The following NOL4 variants were observed in gnomAD, a reference collection of about 807,000 sequenced individuals.
NOL4 encodes the protein cancer/testis antigen 125.
NOL4 carries 17 observed loss-of-function variants against 75.9 expected under a neutral mutation model. That is an observed-to-expected ratio of 0.22 (90% CI 0.15 to 0.34). The LOEUF (loss-of-function observed/expected upper bound fraction) is 0.34. Among genes scored for constraint, NOL4 ranks in the 10% least tolerant of loss-of-function variants. The pLI is 1.00. For missense variants in NOL4, 614 were observed against 793.5 expected, an observed-to-expected ratio of 0.77 and a Z score of 2.72; for synonymous variants, 292 against 289.9, an observed-to-expected ratio of 1.01 and a Z score of -0.07.
chr18:34,117,819 C>T (rs936423425), intron 2 of NOL4, among the ~76,000 whole-genome samples: 3 of 152,188 alleles, frequency 2.0e-5, no homozygotes, highest in Non-Finnish European at 4.4e-5. Flanking sequence ...AGCAGAGAAG[C>T]CATTCTTGGT....
At chr18:33,938,468 G>T (rs566141588) in intron 9 of NOL4, among the ~76,000 whole-genome samples, 2 of 151,860 alleles carry the variant, frequency 1.3e-5, no homozygotes, top group Admixed American at 6.6e-5. Context: ...TTTAATGATC[G>T]CCATTCTAAC....
intron 5 of NOL4, among the ~76,000 whole-genome samples, chr18:34,056,460 G>T (rs2076837246): frequency 6.6e-6 from 1 of 152,016 alleles, no homozygotes; most frequent in African/African-American, 2.4e-5. Flanking sequence ...TCTGCCTGTA[G>T]AACTACAGAA....
At position 34,127,760 on chromosome 18, in the gene NOL4, T is replaced by C. The variant is rs184884111; in HGVS notation, c.414+2111A>G. ...AGTTCTATATTTTGTTTCTTTCCTA[T>C]AATGAATTATTACTGCATAAAAAGG... On this transcript the variant is annotated intron_variant, in intron 2 of 10. Coordinates refer to ENST00000261592, the MANE Select transcript of NOL4 (RefSeq NM_003787.5). Among the ~76,000 whole-genome samples, 79 of 152,014 alleles carry C rather than the reference T, an allele frequency of 5.2e-4. 1 individual carries two copies. Among genetic ancestry groups the C allele is most frequent in the Middle Eastern group, 6.8e-3 (2 of 294 alleles).
chr18:33,921,190 G>C (rs1329700174), intron 9 of NOL4, among the ~76,000 whole-genome samples: 1 of 152,138 alleles, frequency 6.6e-6, no homozygotes. Flanking sequence ...TTTGCCCCAG[G>C]ATGGACCATA....
intron 10 of NOL4, among the ~76,000 whole-genome samples, chr18:33,880,502 T>C (rs949921109): frequency 1.3e-5 from 2 of 152,098 alleles, no homozygotes; most frequent in Non-Finnish European, 1.5e-5. Flanking sequence ...ACCTGGTATA[T>C]AAGTTCAGAA....
At chr18:33,862,580 A>T (rs963355189) in intron 10 of NOL4, among the ~76,000 whole-genome samples, 4 of 152,202 alleles carry the variant, frequency 2.6e-5, no homozygotes, top group African/African-American at 9.6e-5. Context: ...ACAAGAAAAA[A>T]ACAAAGAGCC....
At chr18:33,895,164 C>T (rs1300499636) in intron 9 of NOL4, among the ~76,000 whole-genome samples, 2 of 151,826 alleles carry the variant, frequency 1.3e-5, no homozygotes, top group African/African-American at 2.4e-5. Flanking sequence ...GTGAAAAATA[C>T]AAATTTGAGA....
At chr18:34,144,421 C>T (rs1174219165) in intron 1 of NOL4, among the ~76,000 whole-genome samples, 1 of 151,978 alleles carries the variant, frequency 6.6e-6, no homozygotes, top group Non-Finnish European at 1.5e-5. Context: ...CTTCAAAGAA[C>T]AAGAACTCAA....
At chr18:34,162,642 T>C (rs543031161) in intron 1 of NOL4, among the ~76,000 whole-genome samples, 2 of 151,908 alleles carry the variant, frequency 1.3e-5, no homozygotes, top group Admixed American at 6.6e-5. Flanking sequence ...GATTCACAGC[T>C]GAATTCTACC....
chr18:33,859,827 A>G (rs1336963237), intron 10 of NOL4, among the ~76,000 whole-genome samples: 1 of 152,108 alleles, frequency 6.6e-6, no homozygotes, highest in Non-Finnish European at 1.5e-5. Flanking sequence ...GCTAAGCAGG[A>G]GAATGGCTTG....
At chr18:34,204,402 GTTTAATATT>G (rs2035976527) in intron 1 of NOL4, among the ~76,000 whole-genome samples, 2 of 132,106 alleles carry the variant, frequency 1.5e-5, no homozygotes, top group African/African-American at 7.2e-5. Context: ...ATATTCTGAG[GTTTAATATT>G]CTGAGGTTCT....
chr18:34,150,705 C>T (rs2081603877), intron 1 of NOL4, among the ~76,000 whole-genome samples: 1 of 151,594 alleles, frequency 6.6e-6, no homozygotes, highest in Non-Finnish European at 1.5e-5. Context: ...TTAGATACAA[C>T]ACCAAAGTCA....
chr18:34,130,502 T>G (rs55689300), intron 1 of NOL4, among the ~76,000 whole-genome samples: 4,224 of 152,064 alleles, frequency 0.028, 78 homozygotes, highest in South Asian at 0.044. Flanking sequence ...GAAAACACAT[T>G]TATTATTCTA....
At chr18:34,036,847 G>A (rs563040874) in intron 5 of NOL4, among the ~76,000 whole-genome samples, 4 of 152,246 alleles carry the variant, frequency 2.6e-5, no homozygotes, top group Non-Finnish European at 2.9e-5. Context: ...CAGGAGAATC[G>A]CTTGAACCCG....
intron 4 of NOL4, among the ~76,000 whole-genome samples, chr18:34,093,822 G>A (rs578090350): frequency 5.3e-5 from 8 of 152,222 alleles, no homozygotes; most frequent in South Asian, 2.1e-4. Context: ...GGCAGATCAC[G>A]AGGTCAGGAG....
Position 34,224,201 on chromosome 18 carries a change from G to C in NOL4, c.-948C>G, listed in dbSNP as rs2037488233. On this transcript the variant is annotated 5_prime_UTR_variant, in exon 1 of 11. Transcript: ENST00000261592. ...GAATAATGATGGGACCCCCAGACAG[G>C]ACTCCTCTGGTTTCTGCTGAACAAG... The C allele has an allele frequency of 6.6e-6, 1 of 152,310 alleles. No individual in the cohort carries two copies. Among genetic ancestry groups the C allele is most frequent in the Non-Finnish European group, 1.5e-5 (1 of 68,092 alleles). 9.4% of individuals were successfully genotyped at this position (152,310 alleles called of 1,614,324 possible).
chr18:34,097,643 T>C (rs1293792504), intron 4 of NOL4, among the ~76,000 whole-genome samples: 1 of 152,226 alleles, frequency 6.6e-6, no homozygotes, highest in Non-Finnish European at 1.5e-5. Flanking sequence ...TAATTAATTT[T>C]AATTAATGTT....
rs566240613 is a variant in NOL4 at position 33,996,670 on chromosome 18, T to C, written c.1056+22648A>G. Among the ~76,000 whole-genome samples the C allele has an allele frequency of 2.1e-3, 320 of 151,994 alleles. 5 individuals are homozygous for C. Among genetic ancestry groups the C allele is most frequent in the African/African-American group, 7.2e-3 (299 of 41,544 alleles). On this transcript the variant is annotated intron_variant, in intron 6 of 10. Transcript: ENST00000261592. ...TTATAAGTGAGAACATATGGTCTTC[T>C]GTTTTTGTATTAATTTGCTTAGAAT...
At chr18:33,972,377 C>A (rs1376762450) in intron 6 of NOL4, among the ~76,000 whole-genome samples, 1 of 152,054 alleles carries the variant, frequency 6.6e-6, no homozygotes, top group East Asian at 1.9e-4. Context: ...CTTAGCCTTA[C>A]TAATTATCCG....
Sources: gnomAD v4.1 joint callset for allele counts (sites outside exome capture counted in the v4.1 genomes callset) on GRCh38, gnomAD v4.1.1 for gene constraint, MANE v1.5 for transcripts, NCBI Gene and HGNC (gene_info 2026-07-23, HGNC 2026-07-21) for gene names.